The following SYNGR1 variants were observed in gnomAD, a reference collection of about 807,000 sequenced individuals.
SYNGR1 encodes the protein synaptogyrin 1, also known as synaptogyrin-1.
SYNGR1 carries 14 observed loss-of-function variants against 26.1 expected under a neutral mutation model. The observed-to-expected ratio is 0.54, with a 90% CI of 0.35 to 0.84. The LOEUF is 0.84. SYNGR1 is among the 40% of genes least tolerant of loss of function. SYNGR1 has a pLI of 0.01. For synonymous variants in SYNGR1, 141 were observed against 150.1 expected, an observed-to-expected ratio of 0.94 and a Z score of 0.44; for missense variants, 319 against 332.9, an observed-to-expected ratio of 0.96 and a Z score of 0.33.
chr22:39,369,384 C>T (rs1421567991), intron 1 of SYNGR1, among the ~76,000 whole-genome samples: 1 of 152,158 alleles, frequency 6.6e-6, no homozygotes, highest in Non-Finnish European at 1.5e-5. Flanking sequence ...TCTGTCCTGA[C>T]TTCACAGGCG....
At chr22:39,366,970 C>T (rs984794631) in intron 1 of SYNGR1, among the ~76,000 whole-genome samples, 14 of 152,174 alleles carry the variant, frequency 9.2e-5, no homozygotes, top group African/African-American at 2.4e-4. Flanking sequence ...GCCTCCATGC[C>T]GCTCCTGAAC....
intron 1 of SYNGR1, among the ~76,000 whole-genome samples, chr22:39,356,683 GGAA>G (rs1924159566): frequency 6.6e-6 from 1 of 152,152 alleles, no homozygotes; most frequent in Admixed American, 6.5e-5. Context: ...CACCCAGACC[GGAA>G]GAACCAGCTG....
rs5750800 is a variant in SYNGR1, at chr22:39,364,639, C to T, written c.100-9677C>T. Reference sequence around the variant, plus strand: ...AGCGTTCAGAGGGCAAAGAGGAGTTCGCTCCCATTGAAGATGAAGAAGGTA... The same window carrying T: ...AGCGTTCAGAGGGCAAAGAGGAGTTTGCTCCCATTGAAGATGAAGAAGGTA... On this transcript the variant is annotated intron_variant, in intron 1 of 3. Transcript: ENST00000328933. 1.1e-3 allele frequency among the ~76,000 whole-genome samples: 161 copies of T among 152,162 alleles called. 2 individuals are homozygous for T. The East Asian group carries it at 0.021, about 20-fold the overall frequency.
In SYNGR1 at chr22:39,385,170, T is replaced by C; in HGVS notation, c.*3256T>C. On this transcript the variant is annotated 3_prime_UTR_variant, in exon 4 of 4. Transcript: ENST00000328933. The stretch of plus-strand genomic sequence containing the variant: ...TCTCTAAGGAGCACGAAAGGGGGAA[T>C]GCCCCTCCCAGGAGTTTATGGGAGA... 1 of 396,394 alleles carries C rather than the reference T, an allele frequency of 2.5e-6. No individual in the cohort carries two copies. Among genetic ancestry groups the C allele is most frequent in the Non-Finnish European group, 4.4e-6 (1 of 224,826 alleles). 24.6% of individuals were successfully genotyped at this position (396,394 alleles called of 1,614,324 possible). A position where few individuals can be genotyped will look rare whatever the true frequency, so the allele number is the denominator to read the frequency against.
chr22:39,351,137 A>G (rs1021217787), intron 1 of SYNGR1, among the ~76,000 whole-genome samples: 7 of 152,110 alleles, frequency 4.6e-5, no homozygotes, highest in Non-Finnish European at 7.4e-5. Flanking sequence ...GGCTGGCTGT[A>G]TCCCAGAAAC....
In SYNGR1 at chr22:39,371,102, A is replaced by G. The variant is rs186083843; in HGVS notation, c.100-3214A>G. Among the ~76,000 whole-genome samples, 5 of 152,210 alleles carry G rather than the reference A, an allele frequency of 3.3e-5. 1 individual carries two copies. The East Asian group carries it at 9.6e-4, about 29-fold the overall frequency. On this transcript the variant is annotated intron_variant, in intron 1 of 3. Coordinates refer to ENST00000328933, the MANE Select transcript of SYNGR1 (RefSeq NM_004711.5). ...AGATAATATTAAGAATGCTTCTCAT[A>G]TTTTTCACATACCTGTCCTGGAATC...
Position 39,350,172 on chromosome 22 carries a change from C to G in SYNGR1, c.99+63C>G. On this transcript the variant is annotated intron_variant, in intron 1 of 3. Coordinates refer to ENST00000328933, the MANE Select transcript of SYNGR1 (RefSeq NM_004711.5). The surrounding 1 kb of genome is among the most constrained non-coding windows in gnomAD (Gnocchi z 4.3). ...GTGGTGGGGGTGTGAGCAAAGGCGG[C>G]GCGCCCGGACCGACCCCGACCCCGA... The G allele has an allele frequency of 8.4e-7, 1 of 1,188,620 alleles. No homozygotes were observed. The highest frequency in any genetic ancestry group is 1.9e-5 in the South Asian group (1 of 52,582). The allele number at this position is 1,188,620 out of a possible 1,614,324, so 73.6% of individuals were successfully genotyped here.
chr22:39,374,121 AC>A, intron 1 of SYNGR1, among the ~76,000 whole-genome samples, 194 bp from the exon 2 acceptor site: 1 of 151,378 alleles, frequency 6.6e-6, no homozygotes, highest in South Asian at 2.1e-4. Context: ...GAAGTGATTG[AC>A]CCCCACCTGG....
At chr22:39,366,138 T>C (rs1316485953) in intron 1 of SYNGR1, among the ~76,000 whole-genome samples, 4 of 151,562 alleles carry the variant, frequency 2.6e-5, no homozygotes. Flanking sequence ...CTAATTTTTG[T>C]ATTTTTAGTA....
chr22:39,380,193 G>T (rs1268734765), intron 3 of SYNGR1, among the ~76,000 whole-genome samples: 1 of 149,600 alleles, frequency 6.7e-6, no homozygotes, highest in African/African-American at 2.5e-5. Context: ...GGCGGCTTCA[G>T]GCTAGGCGCG....
Position 39,381,939 on chromosome 22 carries a change from C to T in SYNGR1, c.*25C>T. The T allele has an allele frequency of 1.3e-6, 2 of 1,574,780 alleles. No individual in the cohort carries two copies. Among genetic ancestry groups the T allele is most frequent in the East Asian group, 2.3e-5 (1 of 42,584 alleles). On this transcript the variant is annotated 3_prime_UTR_variant, in exon 4 of 4. Coordinates refer to ENST00000328933, the MANE Select transcript of SYNGR1 (RefSeq NM_004711.5). ...AGCCACAGTGACCGCCTGCCCCCGC[C>T]CCTCCCCATCTGTCCCCTCTCTCCA...
At chr22:39,377,646 C>T (rs1212895221) in intron 3 of SYNGR1, 3 of 1,614,042 alleles carry the variant, frequency 1.9e-6, no homozygotes, top group Non-Finnish European at 2.5e-6. Context: ...CCTAAGCTTC[C>T]AGGAGGAGTA....
At position 39,350,006 on chromosome 22, in the gene SYNGR1, C is replaced by A. The variant is rs1923819136; in HGVS notation, c.-5C>A. The A allele has an allele frequency of 3.9e-6, 5 of 1,273,402 alleles. No homozygotes were observed. The highest frequency in any genetic ancestry group is 5.1e-6 in the Non-Finnish European group (5 of 986,950). 78.9% of individuals were successfully genotyped at this position (1,273,402 alleles called of 1,614,324 possible). On this transcript the variant is annotated 5_prime_UTR_variant, in exon 1 of 4. Coordinates refer to ENST00000328933, the MANE Select transcript of SYNGR1 (RefSeq NM_004711.5). This position sits in a 1 kb window ranked among gnomAD's most constrained non-coding sequence, Gnocchi z 4.3. ...AGCGGGGGGCACCGCGCGGGTGCAG[C>A]CACGATGGAAGGGGGTGCGTACGGA... is the stretch of plus-strand genomic sequence containing the variant.
At chr22:39,368,188 G>A (rs1331675108) in intron 1 of SYNGR1, among the ~76,000 whole-genome samples, 4 of 152,206 alleles carry the variant, frequency 2.6e-5, no homozygotes, top group African/African-American at 4.8e-5. Context: ...TCCAGGCCAC[G>A]TGCCCTTCCT....
intron 1 of SYNGR1, among the ~76,000 whole-genome samples, chr22:39,360,654 G>A (rs975303612): frequency 6.6e-6 from 1 of 152,216 alleles, no homozygotes; most frequent in Admixed American, 6.5e-5. Flanking sequence ...CGGGCCGGAT[G>A]AGGTGCCTGG....
chr22:39,356,279 T>G (rs1924141596), intron 1 of SYNGR1, among the ~76,000 whole-genome samples: 2 of 152,114 alleles, frequency 1.3e-5, no homozygotes, highest in Admixed American at 1.3e-4. Flanking sequence ...GGTCTCAAAC[T>G]CCTGACCTCA....
Position 39,384,524 on chromosome 22 carries a change from A to C in SYNGR1, c.*2610A>C, listed in dbSNP as rs1925598258. On this transcript the variant is annotated 3_prime_UTR_variant, in exon 4 of 4. Transcript: ENST00000328933. ...GGAGATGAGAGAGGGTGAGAGATGG[A>C]GGGCGAGATTTGGATGGGACCCAGG... The C allele has an allele frequency of 1.3e-5, 5 of 398,784 alleles. No individual in the cohort carries two copies. In the South Asian group the frequency reaches 6.4e-4, roughly 51 times the overall value. 24.7% of individuals were successfully genotyped at this position (398,784 alleles called of 1,614,324 possible). A position where few individuals can be genotyped will look rare whatever the true frequency, so the allele number is the denominator to read the frequency against.
rs1283019623 is a variant in SYNGR1 at position 39,374,340 on chromosome 22, T to A, written c.124T>A (p.Ser42Thr). The change falls in exon 2 of 4, where the codon TCC (serine) becomes ACC (threonine). Residue 42 changes from serine to threonine, a missense_variant. Physicochemically the swap from Ser to Thr is moderately conservative, Grantham distance 58. Coordinates refer to ENST00000328933, the MANE Select transcript of SYNGR1 (RefSeq NM_004711.5). ...SWLFSIVVFG[S>T]IVNEGYLNSA... ...GCTGTTCTCCATAGTGGTGTTCGGC[T>A]CCATCGTGAACGAGGGCTACCTCAA... 6.2e-7 allele frequency: 1 copy of A among 1,613,940 alleles called. No homozygotes were observed. Among genetic ancestry groups the A allele is most frequent in the Admixed American group, 1.7e-5 (1 of 60,010 alleles).
intron 3 of SYNGR1, 124 bp from the exon 4 acceptor site, chr22:39,381,572 G>C: frequency 1.0e-6 from 1 of 967,162 alleles, no homozygotes; most frequent in Non-Finnish European, 1.6e-6. Context: ...GGTGCTTTGA[G>C]GATCTTTAAC....
Sources: allele counts gnomAD v4.1 joint callset (sites outside exome capture counted in the v4.1 genomes callset), GRCh38; gene constraint gnomAD v4.1.1; non-coding constraint Gnocchi (gnomAD v3.1); transcripts MANE v1.5; gene names NCBI Gene and HGNC (gene_info 2026-07-23, HGNC 2026-07-21).